The following ARHGAP39 variants were observed in gnomAD, a reference collection of about 807,000 sequenced individuals.
ARHGAP39 encodes the protein Rho GTPase activating protein 39.
In ARHGAP39, 44 loss-of-function variants were observed where a neutral mutation model predicts 106.9. That is an observed-to-expected ratio of 0.41 (90% CI 0.32 to 0.53). ARHGAP39 has a LOEUF of 0.53. ARHGAP39 is among the 20% of genes least tolerant of loss of function. The probability of loss-of-function intolerance (pLI) is 0.21; values close to 1 mark genes in which losing one functional copy is unlikely to be tolerated. For missense variants in ARHGAP39, 1,496 were observed against 1,577.3 expected, an observed-to-expected ratio of 0.95 and a Z score of 0.87; for synonymous variants, 768 against 693.2, an observed-to-expected ratio of 1.11 and a Z score of -1.69.
chr8:144,699,545 T>G, the ARHGAP39 span, among the ~76,000 whole-genome samples: 1 of 73,560 alleles, frequency 1.4e-5, no homozygotes, highest in Non-Finnish European at 2.7e-5. Context: ...TGAGGCGCTG[T>G]GGGGCAAGGT....
intron 1 of ARHGAP39, among the ~76,000 whole-genome samples, chr8:144,633,968 G>A (rs1821127404): frequency 6.6e-6 from 1 of 152,270 alleles, no homozygotes; most frequent in South Asian, 2.1e-4. Context: ...CTGCAGAGAG[G>A]AAAACAAAAC....
intron 1 of ARHGAP39, among the ~76,000 whole-genome samples, chr8:144,632,391 G>C (rs894582956): frequency 1.3e-5 from 2 of 152,336 alleles, no homozygotes; most frequent in Middle Eastern, 3.4e-3. Context: ...CACTGGAGCA[G>C]CCTGTGACCG....
intron 1 of ARHGAP39, among the ~76,000 whole-genome samples, chr8:144,614,400 T>C (rs1820579545): frequency 6.6e-6 from 1 of 151,612 alleles, no homozygotes; most frequent in Non-Finnish European, 1.5e-5. Flanking sequence ...CCACCCAGGC[T>C]GGAGTGCAAC....
At position 144,545,388 on chromosome 8, in the gene ARHGAP39, C is replaced by T; in HGVS notation, c.2382G>A (p.Glu794=). 1 of 1,596,396 alleles carries T rather than the reference C, an allele frequency of 6.3e-7. No homozygotes were observed. The highest frequency in any genetic ancestry group is 8.5e-7 in the Non-Finnish European group (1 of 1,170,428). The change falls in exon 6 of 12, where the codon GAG becomes GAA. Residue 794 remains glutamate, a synonymous_variant. Transcript: ENST00000377307. ...GGGCCAGGCTCTCCAGGCGGAAGTT[C>T]TCGGTGGTCTGCCGGCACAGCTGGA... The part of the protein sequence containing the change: ...LYIQLCRQTT[E]NFRLESLARG...
In ARHGAP39 at chr8:144,670,817, C is replaced by T. The variant is rs1480320786; in HGVS notation, c.-82+14869G>A. On this transcript the variant is annotated intron_variant, in intron 1 of 11. Transcript: ENST00000377307. The surrounding 1 kb of genome is among the most constrained non-coding windows in gnomAD (Gnocchi z 4.4). Reference sequence around the variant, plus strand: ...AGCTGCCAACTGTGTGTATCTGTTTCCTGCACTAGACTCTGAGCTTCAAGA... The same window carrying T: ...AGCTGCCAACTGTGTGTATCTGTTTTCTGCACTAGACTCTGAGCTTCAAGA... Among the ~76,000 whole-genome samples, 1 of 152,202 alleles carries T rather than the reference C, an allele frequency of 6.6e-6. No homozygotes were observed. The highest frequency in any genetic ancestry group is 1.5e-5 in the Non-Finnish European group (1 of 68,038).
chr8:144,696,137 G>A, the ARHGAP39 span, among the ~76,000 whole-genome samples: 2 of 151,974 alleles, frequency 1.3e-5, no homozygotes, highest in African/African-American at 4.8e-5. Flanking sequence ...TACTTTTCTT[G>A]CCCCAGTTAA....
At chr8:144,533,885 G>C (rs1816834992) in intron 8 of ARHGAP39, among the ~76,000 whole-genome samples, 1 of 152,070 alleles carries the variant, frequency 6.6e-6, no homozygotes, top group Non-Finnish European at 1.5e-5. Flanking sequence ...CGGTGTGACT[G>C]AGCCCGTTGC....
In ARHGAP39 at chr8:144,538,396, C is replaced by T. The variant is rs544915058; in HGVS notation, c.2522-583G>A. ...GAGGTACCGTCTCCTCCTCCTGCTC[C>T]GTGCCACACTCTGTAGGAGGAGTCA... On this transcript the variant is annotated intron_variant, in intron 6 of 11. Coordinates refer to ENST00000377307, the MANE Select transcript of ARHGAP39 (RefSeq NM_025251.3). Among the ~76,000 whole-genome samples, 21 of 152,330 alleles carry T rather than the reference C, an allele frequency of 1.4e-4. No homozygotes were observed. The South Asian group carries it at 4.1e-3, about 30-fold the overall frequency.
At chr8:144,649,092 G>T (rs1211865336) in intron 1 of ARHGAP39, among the ~76,000 whole-genome samples, 1 of 152,130 alleles carries the variant, frequency 6.6e-6, no homozygotes, top group Non-Finnish European at 1.5e-5. Flanking sequence ...TAATAAGATA[G>T]ATAGGCCACT....
intron 1 of ARHGAP39, among the ~76,000 whole-genome samples, chr8:144,655,627 C>G (rs1276260195): frequency 6.6e-6 from 1 of 152,138 alleles, no homozygotes; most frequent in Admixed American, 6.5e-5. Flanking sequence ...GACCTGCCTA[C>G]AGAGAGGAGT....
chr8:144,697,497 G>C, the ARHGAP39 span, among the ~76,000 whole-genome samples: 1 of 152,052 alleles, frequency 6.6e-6, no homozygotes, highest in Admixed American at 6.6e-5. Context: ...AGCATATGTG[G>C]ATGGAATGCT....
intron 1 of ARHGAP39, among the ~76,000 whole-genome samples, chr8:144,632,711 C>T (rs577437089): frequency 7.2e-4 from 109 of 152,358 alleles, no homozygotes; most frequent in African/African-American, 2.6e-3. Flanking sequence ...GATGGCCCCA[C>T]AACCGCCCAG....
intron 7 of ARHGAP39, among the ~76,000 whole-genome samples, chr8:144,534,897 GAC>G (rs1816891179): frequency 6.6e-6 from 1 of 151,658 alleles, no homozygotes; most frequent in Non-Finnish European, 1.5e-5. Context: ...GGAGTCTCCA[GAC>G]ACAGAGCCCA....
chr8:144,565,976 C>T (rs979113949), intron 3 of ARHGAP39, among the ~76,000 whole-genome samples: 35 of 150,212 alleles, frequency 2.3e-4, no homozygotes, highest in Non-Finnish European at 5.0e-4. Context: ...AGCTTGTGGT[C>T]CCAGCTACTC....
chr8:144,626,789 C>G lies in ARHGAP39; in HGVS notation c.-81-21094G>C, dbSNP rs368287133. 5.9e-5 allele frequency among the ~76,000 whole-genome samples: 9 copies of G among 152,362 alleles called. No homozygotes were observed. In the East Asian group the frequency reaches 1.2e-3, roughly 20 times the overall value. Reference sequence around the variant, plus strand: ...GGCTCTGCTGGGCAGCTTCCCTCCCCTCCCCTCCTCGGCTAGAGACCCCTC... The same window carrying G: ...GGCTCTGCTGGGCAGCTTCCCTCCCGTCCCCTCCTCGGCTAGAGACCCCTC... On this transcript the variant is annotated intron_variant, in intron 1 of 11. Coordinates refer to ENST00000377307, the MANE Select transcript of ARHGAP39 (RefSeq NM_025251.3).
chr8:144,695,625 T>C, the ARHGAP39 span, among the ~76,000 whole-genome samples: 1 of 152,198 alleles, frequency 6.6e-6, no homozygotes, highest in Non-Finnish European at 1.5e-5. Context: ...CTCTCGGCCT[T>C]GAAGAAGGGG....
At chr8:144,579,850 C>T (rs1586574260) in intron 3 of ARHGAP39, among the ~76,000 whole-genome samples, 1 of 152,276 alleles carries the variant, frequency 6.6e-6, no homozygotes, top group African/African-American at 2.4e-5. Flanking sequence ...CAATCCCCTG[C>T]CTTTCTCTCC....
chr8:144,600,670 G>C (rs1440897518), intron 2 of ARHGAP39, among the ~76,000 whole-genome samples: 1 of 140,968 alleles, frequency 7.1e-6, no homozygotes, highest in Non-Finnish European at 1.5e-5. Flanking sequence ...GTGCACACTT[G>C]TGTACCTGCG....
chr8:144,586,939 G>A lies in ARHGAP39; in HGVS notation c.81-5662C>T, dbSNP rs1161360751. ...GTTGTAGTTCCCACAACCCCCAAGTGTAGTGGGAGGGAACAAGTGGAGGTA... is the reference window on the plus strand; with the variant it reads ...GTTGTAGTTCCCACAACCCCCAAGTATAGTGGGAGGGAACAAGTGGAGGTA... On this transcript the variant is annotated intron_variant, in intron 2 of 11. Transcript: ENST00000377307. The surrounding 1 kb of genome is among the most constrained non-coding windows in gnomAD (Gnocchi z 4.2). 6.6e-6 allele frequency among the ~76,000 whole-genome samples: 1 copy of A among 152,224 alleles called. No individual in the cohort carries two copies. Among genetic ancestry groups the A allele is most frequent in the Non-Finnish European group, 1.5e-5 (1 of 68,036 alleles).
Sources: allele counts gnomAD v4.1 joint callset (sites outside exome capture counted in the v4.1 genomes callset), GRCh38; gene constraint gnomAD v4.1.1; non-coding constraint Gnocchi (gnomAD v3.1); transcripts MANE v1.5; gene names NCBI Gene and HGNC (gene_info 2026-07-23, HGNC 2026-07-21).